COL14A1: variants seen among roughly 807,000 people sequenced by gnomAD.
The protein encoded by COL14A1 is collagen type XIV alpha 1 chain, also known as collagen alpha-1(XIV) chain.
COL14A1 carries 136 observed loss-of-function variants against 230.3 expected under a neutral mutation model. That is an observed-to-expected ratio of 0.59 (90% confidence interval 0.51 to 0.68). COL14A1 has a LOEUF of 0.68. Among genes scored for constraint, COL14A1 ranks in the 30% least tolerant of loss-of-function variants. COL14A1 has a pLI of 0.00. For synonymous variants in COL14A1, 792 were observed against 784.1 expected (o/e 1.01, Z -0.17); for missense variants, 1,976 against 2,215.8 (o/e 0.89, Z 2.17).
chr8:120,312,489 C>T (rs1269905207), intron 37 of COL14A1, among the ~76,000 whole-genome samples: 2 of 152,176 alleles, frequency 1.3e-5, no homozygotes, highest in East Asian at 3.8e-4. Context: ...TAGCACAATA[C>T]CACTCCGTCT....
At chr8:120,168,552 C>G (rs1412898336) in intron 5 of COL14A1, among the ~76,000 whole-genome samples, 1 of 152,174 alleles carries the variant, frequency 6.6e-6, no homozygotes, top group Non-Finnish European at 1.5e-5. Flanking sequence ...GGCAGGATCA[C>G]CCAGTGTAAA....
At chr8:120,354,921 G>A (rs1483444223) in intron 45 of COL14A1, among the ~76,000 whole-genome samples, 1 of 152,142 alleles carries the variant, frequency 6.6e-6, no homozygotes, top group Admixed American at 6.5e-5. Context: ...TCAAAGAAAA[G>A]CTATTTTTCC....
intron 40 of COL14A1, among the ~76,000 whole-genome samples, chr8:120,323,460 C>G (rs753210790): frequency 2.0e-5 from 3 of 152,074 alleles, no homozygotes; most frequent in South Asian, 4.1e-4. Flanking sequence ...GTTGCAATTG[C>G]TTTTGGCATC....
chr8:120,249,351 A>C (rs142816460), intron 21 of COL14A1, among the ~76,000 whole-genome samples: 3 of 152,038 alleles, frequency 2.0e-5, no homozygotes, highest in African/African-American at 7.2e-5. Flanking sequence ...CAATTTCTCC[A>C]GACAAACATC....
Position 120,278,122 on chromosome 8 carries a change from TC to T in COL14A1, c.3226del (p.Gln1076SerfsTer12), listed in dbSNP as rs1819910424. ...CCTTCTCTCTCCAGGTTGCAATGGT[TC>T]AGTTCACTGATGATCCCAGAACAGA... is the stretch of plus-strand genomic sequence containing the variant. ...GTDGTQVAMVQFTDDPRTEFK... is the reference protein window; with the variant it reads ...GTDGTQVAMVXFTDDPRTEFK... On this transcript the variant is annotated frameshift_variant, in exon 27 of 48. Coordinates refer to ENST00000297848, the MANE Select transcript of COL14A1 (RefSeq NM_021110.4). LOFTEE classifies it high-confidence loss of function. 1 of 1,605,836 alleles carries T rather than the reference TC, an allele frequency of 6.2e-7. No individual in the cohort carries two copies. The highest frequency in any genetic ancestry group is 1.3e-5 in the African/African-American group (1 of 74,414).
At chr8:120,169,907 T>G (rs1307836068) in intron 5 of COL14A1, among the ~76,000 whole-genome samples, 1 of 152,128 alleles carries the variant, frequency 6.6e-6, no homozygotes, top group East Asian at 1.9e-4. Flanking sequence ...CAGTTAAAAC[T>G]CATTGCTTAT....
At chr8:120,349,607 G>A (rs1201427424) in intron 45 of COL14A1, among the ~76,000 whole-genome samples, 8 of 141,678 alleles carry the variant, frequency 5.6e-5, no homozygotes, top group South Asian at 2.3e-4. Context: ...CTCGGGAGCC[G>A]ATGCGATCAA....
intron 19 of COL14A1, among the ~76,000 whole-genome samples, chr8:120,236,419 C>T (rs1291073248): frequency 6.6e-6 from 1 of 151,520 alleles, no homozygotes; most frequent in Admixed American, 6.6e-5. Flanking sequence ...TCTGTTTTAT[C>T]AGAGACTAGG....
intron 8 of COL14A1, among the ~76,000 whole-genome samples, chr8:120,200,416 A>G (rs1381911702): frequency 1.3e-5 from 2 of 151,696 alleles, no homozygotes; most frequent in African/African-American, 4.8e-5. Flanking sequence ...CTTTTTGTGA[A>G]CTTTCCATGA....
At chr8:120,331,684 C>G (rs187975948) in intron 40 of COL14A1, among the ~76,000 whole-genome samples, 1 of 152,290 alleles carries the variant, frequency 6.6e-6, no homozygotes, top group East Asian at 1.9e-4. Context: ...TCCCAAATCT[C>G]CTCCAGCTTA....
At chr8:120,212,363 G>A in intron 12 of COL14A1, 85 bp from the exon 13 acceptor site, 2 of 1,396,090 alleles carry the variant, frequency 1.4e-6, no homozygotes, top group Non-Finnish European at 2.0e-6. Flanking sequence ...CTTATCCCAT[G>A]AAGTCTCACC....
chr8:120,258,197 T>C (rs1282758818), intron 23 of COL14A1, among the ~76,000 whole-genome samples: 1 of 152,214 alleles, frequency 6.6e-6, no homozygotes, highest in Non-Finnish European at 1.5e-5. Context: ...GTGTTCAATT[T>C]CCTAGAGATA....
intron 1 of COL14A1, among the ~76,000 whole-genome samples, chr8:120,128,527 G>C (rs1696230121): frequency 6.6e-6 from 1 of 152,146 alleles, no homozygotes; most frequent in Non-Finnish European, 1.5e-5. Flanking sequence ...CTGAGGTCAA[G>C]AGTTCAAGGC....
chr8:120,298,854 A>G (rs911129385), intron 35 of COL14A1, among the ~76,000 whole-genome samples: 3 of 151,498 alleles, frequency 2.0e-5, no homozygotes, highest in African/African-American at 7.3e-5. Flanking sequence ...GGTAATTTAT[A>G]AAGGAAGGTT....
intron 41 of COL14A1, among the ~76,000 whole-genome samples, 192 bp from the exon 42 acceptor site, chr8:120,332,471 CT>C (rs1403775276): frequency 6.6e-6 from 1 of 152,106 alleles, no homozygotes; most frequent in African/African-American, 2.4e-5. Flanking sequence ...AGAACCACAC[CT>C]GATATATAGT....
chr8:120,359,741 A>C (rs1308966889), intron 45 of COL14A1, among the ~76,000 whole-genome samples: 1 of 152,164 alleles, frequency 6.6e-6, no homozygotes, highest in African/African-American at 2.4e-5. Flanking sequence ...AACTGGGTGA[A>C]CAAAAAGCCC....
chr8:120,369,220 A>T, intron 46 of COL14A1, 110 bp from the exon 47 acceptor site: 1 of 1,126,872 alleles, frequency 8.9e-7, no homozygotes, highest in Non-Finnish European at 1.2e-6. Context: ...AGGTTGTCCT[A>T]ATTGTCCTAA....
intron 4 of COL14A1, among the ~76,000 whole-genome samples, chr8:120,165,280 T>C (rs180909479): frequency 9.6e-4 from 147 of 152,350 alleles, no homozygotes; most frequent in Admixed American, 1.8e-3. Context: ...AAAGTGGTGA[T>C]CAAGATAAAG....
chr8:120,269,755 A>G (rs1819602999), intron 25 of COL14A1, among the ~76,000 whole-genome samples: 1 of 151,486 alleles, frequency 6.6e-6, no homozygotes. Flanking sequence ...CTTCATTTTC[A>G]TTCTTTTGGG....
Sources: gnomAD v4.1 joint callset for allele counts (sites outside exome capture counted in the v4.1 genomes callset) on GRCh38, gnomAD v4.1.1 for gene constraint, MANE v1.5 for transcripts, NCBI Gene and HGNC (gene_info 2026-07-23, HGNC 2026-07-21) for gene names.